The following OR52N4 variants were observed in gnomAD, a reference collection of about 807,000 sequenced individuals.
OR52N4 encodes olfactory receptor family 52 subfamily N member 4, also known as olfactory receptor 52N4.
OR52N4 carries 15 observed loss-of-function variants against 15.0 expected under a neutral mutation model. The ratio of observed to expected loss-of-function variants is 1.00; its 90% CI spans 0.67 to 1.54. The LOEUF is 1.54. Ranked by LOEUF, OR52N4 falls within the 40% of genes most tolerant of loss-of-function variation. The pLI is 0.00. For synonymous variants in OR52N4, 143 were observed against 143.7 expected (o/e 1.00, Z 0.03); for missense variants, 421 against 394.0 (o/e 1.07, Z -0.58).
rs917495759 is a variant in OR52N4, at chr11:5,755,247, C to T, written c.507C>T (p.Pro169=). The change falls in exon 2 of 2, where the codon CCC becomes CCT. Residue 169 remains proline (P), a synonymous_variant. Coordinates refer to ENST00000641350, the MANE Select transcript of OR52N4 (RefSeq NM_001005175.5). The part of the protein sequence containing the change: ...IPFTFLTKLL[P]YCRGNILPHT... ...TTACTTTCCTCACCAAGCTCCTGCC[C>T]TACTGCAGAGGCAATATACTTCCCC... 1.2e-5 allele frequency: 20 copies of T among 1,613,930 alleles called. No individual in the cohort carries two copies. Among genetic ancestry groups the T allele is most frequent in the Non-Finnish European group, 1.7e-5 (20 of 1,179,986 alleles).
In OR52N4 at chr11:5,755,234, C is replaced by G. The variant is rs369558336; in HGVS notation, c.494C>G (p.Thr165Ser). 10 of 1,613,926 alleles carry G rather than the reference C, an allele frequency of 6.2e-6. No homozygotes were observed. Among genetic ancestry groups the G allele is most frequent in the Admixed American group, 1.7e-5 (1 of 59,976 alleles). Residue 165 changes from threonine (T) to serine (S), a missense_variant, in exon 2 of 2, where the codon ACC becomes AGC. Physicochemically the swap from Thr to Ser is moderately conservative, Grantham distance 58. Coordinates refer to ENST00000641350, the MANE Select transcript of OR52N4 (RefSeq NM_001005175.5). ...VLLIIPFTFL[T>S]KLLPYCRGNI... The stretch of plus-strand genomic sequence containing the variant: ...CTCATTATTCCCTTTACTTTCCTCA[C>G]CAAGCTCCTGCCCTACTGCAGAGGC...
At chr11:5,732,827 A>T in the OR52N4 span, among the ~76,000 whole-genome samples, 7 of 152,234 alleles carry the variant, frequency 4.6e-5, no homozygotes, top group East Asian at 1.3e-3. Context: ...AATCTCTTGG[A>T]TGCTTCAAAG....
At chr11:5,730,950 T>G in the OR52N4 span, among the ~76,000 whole-genome samples, 1 of 152,116 alleles carries the variant, frequency 6.6e-6, no homozygotes, top group African/African-American at 2.4e-5. Context: ...GATATCATCT[T>G]GAACTCACCT....
At chr11:5,737,644 T>C in the OR52N4 span, 1 of 648,236 alleles carries the variant, frequency 1.5e-6, no homozygotes, top group Non-Finnish European at 2.4e-6. Flanking sequence ...ATACAAAAAA[T>C]CACAGTAGCC....
upstream of OR52N4, among the ~76,000 whole-genome samples, chr11:5,750,659 G>A (rs971103857): frequency 7.1e-6 from 1 of 140,146 alleles, no homozygotes. Flanking sequence ...GAAAAATGAG[G>A]TATATGTAAA....
rs1564959340 is a variant in OR52N4 at position 5,755,636 on chromosome 11, CCAAA to C, written c.899_902del (p.Lys300ArgfsTer7). The C allele has an allele frequency of 1.2e-6, 2 of 1,613,732 alleles. No homozygotes were observed. Among genetic ancestry groups the C allele is most frequent in the Non-Finnish European group, 1.7e-6 (2 of 1,179,770 alleles). On this transcript the variant is annotated frameshift_variant, in exon 2 of 2. Transcript: ENST00000641350. LOFTEE classifies it high-confidence loss of function. ...AACCCTATTGTCTATGGGGTGAAAA[CCAAA>C]CAGATACGAGACTGTGTCATAAGGA...
the OR52N4 span, chr11:5,736,128 T>A: frequency 4.7e-6 from 1 of 212,732 alleles, no homozygotes; most frequent in African/African-American, 2.3e-5. Flanking sequence ...CAGAAGTGCA[T>A]ACAAAATAGA....
chr11:5,750,160 A>T (rs1854160200), upstream of OR52N4, among the ~76,000 whole-genome samples: 1 of 151,880 alleles, frequency 6.6e-6, no homozygotes, highest in African/African-American at 2.4e-5. Flanking sequence ...CTCAGAAGCA[A>T]ATTATTCTAT....
the OR52N4 span, among the ~76,000 whole-genome samples, chr11:5,729,433 T>C: frequency 8.5e-5 from 13 of 152,260 alleles, 1 homozygote; most frequent in South Asian, 1.7e-3. Flanking sequence ...ATATTCTTAA[T>C]AGATTTTTAA....
upstream of OR52N4, among the ~76,000 whole-genome samples, chr11:5,750,613 CAGTT>C (rs1250414006): frequency 2.0e-5 from 3 of 151,736 alleles, no homozygotes; most frequent in African/African-American, 7.3e-5. Context: ...CTGTCACTGT[CAGTT>C]ATTTTGCTTA....
chr11:5,752,125 G>C (rs1443454269), upstream of OR52N4, among the ~76,000 whole-genome samples: 2 of 152,130 alleles, frequency 1.3e-5, no homozygotes, highest in African/African-American at 4.8e-5. Flanking sequence ...ACTTTGACCT[G>C]TCAGAATTCT....
chr11:5,731,109 T>A, the OR52N4 span, among the ~76,000 whole-genome samples: 4 of 152,158 alleles, frequency 2.6e-5, no homozygotes, highest in Admixed American at 2.6e-4. Context: ...AGTGTCTAAT[T>A]TGAAGAGCAA....
Position 5,754,737 on chromosome 11 carries a change from T to C in OR52N4, c.-4T>C. On this transcript the variant is annotated 5_prime_UTR_variant, in exon 2 of 2. Coordinates refer to ENST00000641350, the MANE Select transcript of OR52N4 (RefSeq NM_001005175.5). ...GAGCTATTTCATAACCTACCAGACT[T>C]ATCATGCTAACACTGAATAAAACAG... 1 of 1,606,890 alleles carries C rather than the reference T, an allele frequency of 6.2e-7. No homozygotes were observed. The highest frequency in any genetic ancestry group is 8.5e-7 in the Non-Finnish European group (1 of 1,176,296).
rs1854283809 is a variant in OR52N4 at position 5,755,278 on chromosome 11, T to G, written c.538T>G (p.Tyr180Asp). 1 of 1,614,058 alleles carries G rather than the reference T, an allele frequency of 6.2e-7. No homozygotes were observed. The highest frequency in any genetic ancestry group is 1.7e-5 in the Admixed American group (1 of 59,996). ...CAGAGGCAATATACTTCCCCATACC[T>G]ACTGTGACCACATGTCTGTAGCCAA... Reference protein sequence around the residue: ...YCRGNILPHTYCDHMSVAKLS... With the variant: ...YCRGNILPHTDCDHMSVAKLS... Residue 180 changes from tyrosine (Y) to aspartate (D), a missense_variant, in exon 2 of 2, where the codon TAC (tyrosine) becomes GAC (aspartate). Physicochemically the swap from Tyr to Asp is radical, Grantham distance 160. Coordinates refer to ENST00000641350, the MANE Select transcript of OR52N4 (RefSeq NM_001005175.5).
At chr11:5,740,439 T>C in the OR52N4 span, among the ~76,000 whole-genome samples, 1 of 127,426 alleles carries the variant, frequency 7.8e-6, no homozygotes, top group African/African-American at 2.8e-5. Flanking sequence ...GTGTGATAGA[T>C]TGCAAAGCTT....
chr11:5,729,743 C>G, the OR52N4 span, among the ~76,000 whole-genome samples: 2 of 152,108 alleles, frequency 1.3e-5, no homozygotes, highest in African/African-American at 2.4e-5. Flanking sequence ...TATACACCTC[C>G]GGCCACTCAT....
upstream of OR52N4, among the ~76,000 whole-genome samples, chr11:5,750,611 G>A (rs539858757): frequency 3.3e-5 from 5 of 151,876 alleles, no homozygotes; most frequent in South Asian, 2.1e-4. Flanking sequence ...CACTGTCACT[G>A]TCAGTTATTT....
the OR52N4 span, chr11:5,737,218 A>G: frequency 1.2e-6 from 2 of 1,614,114 alleles, no homozygotes; most frequent in East Asian, 4.5e-5. Flanking sequence ...TGTACTCTGT[A>G]CTTAGACTGA....
At chr11:5,750,891 A>G (rs574433215), upstream of OR52N4, among the ~76,000 whole-genome samples, 7 of 152,168 alleles carry the variant, frequency 4.6e-5, no homozygotes, top group African/African-American at 1.7e-4. Flanking sequence ...TTAATTAAAA[A>G]TTTAAAAATG....
Sources: allele counts gnomAD v4.1 joint callset (sites outside exome capture counted in the v4.1 genomes callset), GRCh38; gene constraint gnomAD v4.1.1; transcripts MANE v1.5; gene names NCBI Gene and HGNC (gene_info 2026-07-23, HGNC 2026-07-21).